STS: variants seen among roughly 807,000 people sequenced by gnomAD.
STS encodes steryl-sulfatase.
STS carries 7 observed loss-of-function variants against 26.8 expected under a neutral mutation model. The ratio of observed to expected loss-of-function variants is 0.26; its 90% CI spans 0.15 to 0.49. STS has a LOEUF of 0.49. Among genes scored for constraint, STS ranks in the 20% least tolerant of loss-of-function variants. STS has a pLI of 0.98. For missense variants in STS, 434 were observed against 465.6 expected (o/e 0.93, Z 0.63); for synonymous variants, 199 against 189.4 (o/e 1.05, Z -0.42).
intron 2 of STS, among the ~76,000 whole-genome samples, chrX:7,210,706 A>C (rs1050653437): frequency 4.6e-5 from 5 of 108,394 alleles, no homozygotes; most frequent in African/African-American, 1.3e-4. Context: ...TTAAATCTAT[A>C]AATAATATTC....
chrX:7,305,081 G>T lies in STS; in HGVS notation c.979G>T (p.Ala327Ser). 1 of 1,210,872 alleles carries T rather than the reference G, an allele frequency of 8.3e-7. No individual in the cohort carries two copies. Among genetic ancestry groups the T allele is most frequent in the Non-Finnish European group, 1.1e-6 (1 of 894,843 alleles). ...GAACCTTCTGGATGAGCTGAGATTG[G>T]CTAATGATACCCTCATCTACTTCAC... is the stretch of plus-strand genomic sequence containing the variant. ...ILNLLDELRLANDTLIYFTSD... is the reference protein window; with the variant it reads ...ILNLLDELRLSNDTLIYFTSD... Residue 327 changes from alanine to serine, a missense_variant, in exon 8 of 11, where the codon GCT (alanine) becomes TCT (serine). By Grantham distance (99) the Ala-to-Ser change is moderately conservative (BLOSUM62 1). This residue lies in a region of STS where 229 missense variants were observed against 288.3 expected (regional missense o/e 0.79). Coordinates refer to ENST00000674429, the MANE Select transcript of STS (RefSeq NM_001320752.2).
At chrX:7,249,547 G>A in intron 2 of STS, among the ~76,000 whole-genome samples, 1 of 111,610 alleles carries the variant, frequency 9.0e-6, no homozygotes, top group Non-Finnish European at 1.9e-5. Flanking sequence ...AGAGCCCTGG[G>A]AAATGACAGG....
chrX:7,251,233 T>C (rs963094613), intron 2 of STS, among the ~76,000 whole-genome samples: 6 of 111,206 alleles, frequency 5.4e-5, no homozygotes, highest in Non-Finnish European at 9.4e-5. Flanking sequence ...GATTCTGAGG[T>C]CCATGAATGA....
chrX:7,176,060 T>A, intron 1 of STS, among the ~76,000 whole-genome samples: 1 of 111,921 alleles, frequency 8.9e-6, no homozygotes, highest in East Asian at 2.8e-4. Flanking sequence ...CTTACCCGGT[T>A]CCTTGCTAGT....
intron 6 of STS, 119 bp downstream of exon 6, chrX:7,259,891 T>C (rs1189613375): frequency 1.1e-6 from 1 of 945,982 alleles, no homozygotes; most frequent in African/African-American, 1.9e-5. Context: ...TGTTCGTTTT[T>C]TTGAGACAGA....
At chrX:7,155,155 C>T (rs983616175) in intron 1 of STS, among the ~76,000 whole-genome samples, 1 of 111,875 alleles carries the variant, frequency 8.9e-6, no homozygotes, top group African/African-American at 3.3e-5. Flanking sequence ...CTGTGGTCAA[C>T]GATGGTCTTC....
chrX:7,350,586 C>A lies in STS; in HGVS notation c.*325C>A. On this transcript the variant is annotated 3_prime_UTR_variant, in exon 11 of 11. Transcript: ENST00000674429. ...GCAGATGACAAAAAGGTGCAGAAGG[C>A]AATCTTAAAACAGAAAGGTGCAGGA... 1 of 288,157 alleles carries A rather than the reference C, an allele frequency of 3.5e-6. No homozygotes were observed. Among genetic ancestry groups the A allele is most frequent in the Non-Finnish European group, 6.1e-6 (1 of 163,716 alleles). The allele number at this position is 288,157 out of a possible 1,213,427, so 23.7% of individuals were successfully genotyped here.
chrX:7,325,738 G>C (rs1478432844), intron 9 of STS, among the ~76,000 whole-genome samples: 2 of 112,289 alleles, frequency 1.8e-5, no homozygotes, highest in South Asian at 3.7e-4. Flanking sequence ...TCATTTTTTT[G>C]CTGTGGTTCA....
In STS at chrX:7,349,315, C is replaced by CTTTTTTTTTTTTTTTTTTTTTTTTTTTT. The variant is rs1928669611; in HGVS notation, c.1364-573_1364-572insTTTTTTTTTTTTTTTTTTTTTTTTTTTT. 1.5e-4 allele frequency among the ~76,000 whole-genome samples: 3 copies of CTTTTTTTTTTTTTTTTTTTTTTTTTTTT among 20,285 alleles called. 1 individual carries two copies. The highest frequency in any genetic ancestry group is 7.4e-3 in the South Asian group (2 of 272). 17.6% of individuals were successfully genotyped at this position (20,285 alleles called of 115,157 possible). Reference sequence around the variant, plus strand: ...CGCTGCACTCGGCCCTCATTTAATTCCTTTTTTTTTTTTTTTTTTTTTTTT... The same window carrying CTTTTTTTTTTTTTTTTTTTTTTTTTTTT: ...CGCTGCACTCGGCCCTCATTTAATTCTTTTTTTTTTTTTTTTTTTTTTTTTTTTCTTTTTTTTTTTTTTTTTTTTTTTT... On this transcript the variant is annotated intron_variant, in intron 10 of 10. Transcript: ENST00000674429.
chrX:7,283,418 G>T, intron 7 of STS, among the ~76,000 whole-genome samples: 1 of 112,047 alleles, frequency 8.9e-6, no homozygotes, highest in Non-Finnish European at 1.9e-5. Context: ...GGGCTGAAAA[G>T]GGACAAGTGA....
At chrX:7,341,773 C>T (rs1425840097) in intron 10 of STS, among the ~76,000 whole-genome samples, 2 of 110,806 alleles carry the variant, frequency 1.8e-5, no homozygotes, top group African/African-American at 6.6e-5. Flanking sequence ...CCATCCCTTC[C>T]TCCTAATAAC....
intron 8 of STS, among the ~76,000 whole-genome samples, chrX:7,324,824 G>T (rs1006711842): frequency 1.3e-4 from 15 of 111,692 alleles, no homozygotes; most frequent in African/African-American, 4.9e-4. Context: ...ACAACCCTAT[G>T]ATTATATTAG....
At chrX:7,296,517 A>G (rs1217981019) in intron 7 of STS, among the ~76,000 whole-genome samples, 2 of 111,981 alleles carry the variant, frequency 1.8e-5, no homozygotes, top group Non-Finnish European at 3.8e-5. Flanking sequence ...CGATGTCCAA[A>G]GTGGCTTCCC....
At chrX:7,241,026 C>A (rs752538086) in intron 2 of STS, among the ~76,000 whole-genome samples, 1 of 111,480 alleles carries the variant, frequency 9.0e-6, no homozygotes, top group Non-Finnish European at 1.9e-5. Flanking sequence ...TGTCTGATCA[C>A]GATGATTTAT....
At chrX:7,255,939 A>G (rs368462421) in intron 3 of STS, among the ~76,000 whole-genome samples, 5 of 112,424 alleles carry the variant, frequency 4.4e-5, no homozygotes, top group South Asian at 3.7e-4. Context: ...AACAAGATGT[A>G]TACTCCCACC....
At chrX:7,272,222 A>ATATATATATACG (rs1302735186) in intron 6 of STS, among the ~76,000 whole-genome samples, 22 of 104,444 alleles carry the variant, frequency 2.1e-4, no homozygotes, top group African/African-American at 7.4e-4. Context: ...AATTACATAT[A>ATATATATATACG]TATATATATA....
intron 2 of STS, among the ~76,000 whole-genome samples, chrX:7,230,635 G>A (rs1397706458): frequency 8.9e-6 from 1 of 111,888 alleles, no homozygotes; most frequent in African/African-American, 3.2e-5. Flanking sequence ...CATGGCAGAA[G>A]GGGAAGCAGG....
chrX:7,352,769 T>G lies in STS; in HGVS notation c.*2508T>G, dbSNP rs745479139. On this transcript the variant is annotated 3_prime_UTR_variant, in exon 11 of 11. Coordinates refer to ENST00000674429, the MANE Select transcript of STS (RefSeq NM_001320752.2). ...TCTAGCATTACTAGATATTAAAAGT[T>G]AAGCAAATAGATTAATGACGTATAC... 9.0e-6 allele frequency: 1 copy of G among 111,143 alleles called. No individual in the cohort carries two copies. The highest frequency in any genetic ancestry group is 3.8e-4 in the South Asian group (1 of 2,612). 9.2% of individuals were successfully genotyped at this position (111,143 alleles called of 1,213,427 possible).
At chrX:7,152,056 C>T (rs965484103) in intron 1 of STS, among the ~76,000 whole-genome samples, 3 of 110,777 alleles carry the variant, frequency 2.7e-5, no homozygotes, top group African/African-American at 9.9e-5. Flanking sequence ...GGGTTCACGC[C>T]GTTCTCCTGC....
Sources: allele counts gnomAD v4.1 joint callset (sites outside exome capture counted in the v4.1 genomes callset), GRCh38; gene constraint gnomAD v4.1.1; regional missense constraint gnomAD v4.1.1; transcripts MANE v1.5; gene names NCBI Gene and HGNC (gene_info 2026-07-23, HGNC 2026-07-21).